The following LRRC4C variants were observed in gnomAD, a reference collection of about 807,000 sequenced individuals.
The protein encoded by LRRC4C is leucine-rich repeat-containing protein 4C.
LRRC4C carries 5 observed loss-of-function variants against 33.6 expected under a neutral mutation model. That is an observed-to-expected ratio of 0.15 (90% CI 0.08 to 0.31). The LOEUF is 0.31. Among genes scored for constraint, LRRC4C ranks in the 10% least tolerant of loss-of-function variants. The pLI, the probability that LRRC4C is intolerant of heterozygous loss-of-function variation, is 1.00. For synonymous variants in LRRC4C, 329 were observed against 302.0 expected, an observed-to-expected ratio of 1.09 and a Z score of -0.93; for missense variants, 560 against 796.7, an observed-to-expected ratio of 0.70 and a Z score of 3.58.
intron 3 of LRRC4C, among the ~76,000 whole-genome samples, chr11:40,355,953 T>TGTATTGTATAGTATAGTATA (rs1555029958): frequency 4.1e-5 from 5 of 121,488 alleles, no homozygotes; most frequent in Non-Finnish European, 7.3e-5. Context: ...AGTATAGTAT[T>TGTATTGTATAGTATAGTATA]GTATAGTATA....
At chr11:41,323,651 C>T (rs1029608270) in intron 1 of LRRC4C, among the ~76,000 whole-genome samples, 1 of 152,126 alleles carries the variant, frequency 6.6e-6, no homozygotes, top group Non-Finnish European at 1.5e-5. Context: ...ACTAAAATTG[C>T]AGGGAATCAA....
intron 6 of LRRC4C, among the ~76,000 whole-genome samples, chr11:40,125,357 A>G (rs963633388): frequency 3.0e-5 from 4 of 133,602 alleles, no homozygotes; most frequent in African/African-American, 1.0e-4. Flanking sequence ...CAAAGCTGAT[A>G]AGAAAGAAAA....
chr11:40,556,311 C>T (rs931714676), intron 3 of LRRC4C, among the ~76,000 whole-genome samples: 5 of 152,168 alleles, frequency 3.3e-5, no homozygotes, highest in African/African-American at 1.2e-4. Context: ...AGCTTTCCTA[C>T]CAAGTTCTGT....
chr11:40,973,390 A>G lies in LRRC4C; in HGVS notation c.-495-39667T>C, dbSNP rs1851867720. On this transcript the variant is annotated intron_variant, in intron 1 of 6. Coordinates refer to ENST00000528697, the MANE Select transcript of LRRC4C (RefSeq NM_001258419.2). Reference sequence around the variant, plus strand: ...AAAACCAAAAAAACAAGAAATATGGATAATTGTCAGACAAGACAAAACAGT... The same window carrying G: ...AAAACCAAAAAAACAAGAAATATGGGTAATTGTCAGACAAGACAAAACAGT... 2.0e-5 allele frequency among the ~76,000 whole-genome samples: 3 copies of G among 152,166 alleles called. No individual in the cohort carries two copies. In the South Asian group the frequency reaches 6.2e-4, roughly 32 times the overall value.
chr11:40,987,730 G>A lies in LRRC4C; in HGVS notation c.-495-54007C>T, dbSNP rs917700214. On this transcript the variant is annotated intron_variant, in intron 1 of 6. Coordinates refer to ENST00000528697, the MANE Select transcript of LRRC4C (RefSeq NM_001258419.2). ...GATATATATGATATATATAGTTTCTGTTTTAAAAAAATCGTGGTCTCTTTT... is the reference window on the plus strand; with the variant it reads ...GATATATATGATATATATAGTTTCTATTTTAAAAAAATCGTGGTCTCTTTT... Among the ~76,000 whole-genome samples, 14 of 144,366 alleles carry A rather than the reference G, an allele frequency of 9.7e-5. No individual in the cohort carries two copies. The South Asian group carries it at 2.9e-3, about 29-fold the overall frequency. The allele number at this position is 144,366 out of a possible 152,430, so 94.7% of individuals were successfully genotyped here.
At chr11:40,339,847 G>A (rs1321169869) in intron 3 of LRRC4C, among the ~76,000 whole-genome samples, 3 of 152,046 alleles carry the variant, frequency 2.0e-5, no homozygotes, top group African/African-American at 7.2e-5. Flanking sequence ...AGGAGCAATA[G>A]TAAAGAGTAA....
intron 2 of LRRC4C, among the ~76,000 whole-genome samples, chr11:40,793,374 C>G (rs771529607): frequency 1.3e-5 from 2 of 152,106 alleles, no homozygotes; most frequent in Admixed American, 1.3e-4. Context: ...AAATAAACTT[C>G]CTGGTATAAA....
intron 1 of LRRC4C, among the ~76,000 whole-genome samples, chr11:41,144,094 C>T (rs1251170525): frequency 6.6e-6 from 1 of 152,110 alleles, no homozygotes; most frequent in Non-Finnish European, 1.5e-5. Context: ...TATCACCTCA[C>T]CCATTATCTT....
chr11:40,418,932 A>G (rs1950426405), intron 3 of LRRC4C, among the ~76,000 whole-genome samples: 1 of 152,164 alleles, frequency 6.6e-6, no homozygotes, highest in South Asian at 2.1e-4. Context: ...ATGAGAACAC[A>G]TGAACACAGG....
chr11:41,164,870 T>TA (rs1410292784), intron 1 of LRRC4C, among the ~76,000 whole-genome samples: 1 of 152,164 alleles, frequency 6.6e-6, no homozygotes, highest in East Asian at 1.9e-4. Flanking sequence ...GCCCAGGTCA[T>TA]AAAATCCCTC....
At chr11:40,745,470 A>C (rs1287936556) in intron 2 of LRRC4C, among the ~76,000 whole-genome samples, 1 of 152,222 alleles carries the variant, frequency 6.6e-6, no homozygotes, top group Non-Finnish European at 1.5e-5. Flanking sequence ...TCTTAAAATA[A>C]ACTGATAATT....
intron 1 of LRRC4C, among the ~76,000 whole-genome samples, chr11:41,304,723 G>A (rs1167470163): frequency 1.0e-5 from 1 of 95,378 alleles, no homozygotes; most frequent in Non-Finnish European, 2.2e-5. Flanking sequence ...GGGAGGTGGG[G>A]GTATCAGCCC....
At chr11:40,945,847 C>T (rs967414191) in intron 1 of LRRC4C, among the ~76,000 whole-genome samples, 1 of 152,110 alleles carries the variant, frequency 6.6e-6, no homozygotes, top group Non-Finnish European at 1.5e-5. Context: ...TTGTGTGGTT[C>T]CCAAAGATTC....
chr11:41,098,658 A>G (rs192867771), intron 1 of LRRC4C, among the ~76,000 whole-genome samples: 45 of 152,296 alleles, frequency 3.0e-4, no homozygotes, highest in Admixed American at 1.1e-3. Flanking sequence ...AGTAAATTTA[A>G]TAAAAGACCT....
chr11:40,753,347 C>T (rs1267445434), intron 2 of LRRC4C, among the ~76,000 whole-genome samples: 2 of 151,586 alleles, frequency 1.3e-5, no homozygotes, highest in African/African-American at 4.8e-5. Flanking sequence ...AATACCCTGA[C>T]ATCATTATTG....
intron 1 of LRRC4C, among the ~76,000 whole-genome samples, chr11:41,357,421 A>G (rs1472377234): frequency 6.6e-6 from 1 of 152,142 alleles, no homozygotes; most frequent in African/African-American, 2.4e-5. Context: ...GTAGTATAAG[A>G]TATTTTATTT....
intron 2 of LRRC4C, among the ~76,000 whole-genome samples, chr11:40,683,878 G>T (rs763805534): frequency 1.3e-5 from 2 of 152,118 alleles, no homozygotes; most frequent in African/African-American, 2.4e-5. Flanking sequence ...CTGCTAAAAC[G>T]CCAGGCTTGC....
intron 5 of LRRC4C, among the ~76,000 whole-genome samples, chr11:40,197,765 C>CT (rs1862382545): frequency 6.6e-6 from 1 of 152,076 alleles, no homozygotes; most frequent in Non-Finnish European, 1.5e-5. Context: ...TATGTTTTAT[C>CT]TCAACAACAT....
chr11:41,192,301 C>G (rs550156335), intron 1 of LRRC4C, among the ~76,000 whole-genome samples: 5 of 149,400 alleles, frequency 3.3e-5, no homozygotes, highest in African/African-American at 1.2e-4. Flanking sequence ...GGAATATTGT[C>G]TGGCATACAG....
Sources: gnomAD v4.1 joint callset for allele counts (sites outside exome capture counted in the v4.1 genomes callset) on GRCh38, gnomAD v4.1.1 for gene constraint, MANE v1.5 for transcripts, NCBI Gene and HGNC (gene_info 2026-07-23, HGNC 2026-07-21) for gene names.